NAV2: variants seen among roughly 807,000 people sequenced by gnomAD.
NAV2 encodes the protein neuron navigator 2, also known as helicase, APC down-regulated 1.
NAV2 carries 54 observed loss-of-function variants against 223.2 expected under a neutral mutation model. The ratio of observed to expected loss-of-function variants is 0.24; its 90% CI spans 0.19 to 0.30. The LOEUF (loss-of-function observed/expected upper bound fraction) is 0.30. Ranked by LOEUF, NAV2 falls within the 10% of genes least tolerant of loss-of-function variation. The probability of loss-of-function intolerance (pLI) is 1.00; values close to 1 mark genes in which losing one functional copy is unlikely to be tolerated. For synonymous variants in NAV2, 1,279 were observed against 1,239.3 expected (o/e 1.03, Z -0.67); for missense variants, 2,806 against 3,147.5 (o/e 0.89, Z 2.60).
chr11:19,620,972 G>C (rs371456777), intron 1 of NAV2, among the ~76,000 whole-genome samples: 40 of 152,192 alleles, frequency 2.6e-4, no homozygotes, highest in Admixed American at 4.6e-4. Flanking sequence ...TAGCATGAAG[G>C]GTTGTTGAAT....
At chr11:20,073,498 T>C (rs1427391180) in intron 22 of NAV2, among the ~76,000 whole-genome samples, 1 of 152,234 alleles carries the variant, frequency 6.6e-6, no homozygotes, top group East Asian at 1.9e-4. Flanking sequence ...TGGAATAGTT[T>C]CACAAGGAAT....
chr11:19,572,538 C>T (rs1356622266), intron 1 of NAV2, among the ~76,000 whole-genome samples: 1 of 152,212 alleles, frequency 6.6e-6, no homozygotes, highest in Non-Finnish European at 1.5e-5. Context: ...GGGGAAACAG[C>T]ATGGCTTTTG....
chr11:19,905,253 C>T (rs1326876856), intron 6 of NAV2, among the ~76,000 whole-genome samples: 5 of 152,160 alleles, frequency 3.3e-5, no homozygotes, highest in African/African-American at 1.2e-4. Context: ...TTGCCAAGTT[C>T]ATGCTCAGAG....
At chr11:19,551,261 T>C (rs1457019569) in intron 1 of NAV2, among the ~76,000 whole-genome samples, 3 of 152,254 alleles carry the variant, frequency 2.0e-5, no homozygotes, top group Non-Finnish European at 1.5e-5. Flanking sequence ...TCACTTGTCA[T>C]TGAGATCAAG....
chr11:19,623,552 C>T lies in NAV2; in HGVS notation c.76-208932C>T, dbSNP rs57693137. ...ACTGATACCCTTTCTTCCAGTTGAT[C>T]GAATCCGCTACTGAAGCTTGTGCAT... On this transcript the variant is annotated intron_variant, in intron 1 of 37. Coordinates refer to the NAV2 transcript ENST00000360655. 9.5e-3 allele frequency among the ~76,000 whole-genome samples: 1,448 copies of T among 152,282 alleles called. 18 individuals carry two copies. Among genetic ancestry groups the T allele is most frequent in the South Asian group, 0.039 (188 of 4,818 alleles).
chr11:19,355,769 C>G (rs180711382), intron 1 of NAV2, among the ~76,000 whole-genome samples: 1 of 152,174 alleles, frequency 6.6e-6, no homozygotes, highest in Non-Finnish European at 1.5e-5. Flanking sequence ...TTTGTTTACC[C>G]GGGAACAATG....
At chr11:19,663,121 G>A (rs1433144355) in intron 1 of NAV2, among the ~76,000 whole-genome samples, 1 of 152,106 alleles carries the variant, frequency 6.6e-6, no homozygotes, top group East Asian at 1.9e-4. Context: ...CTGCTCACCT[G>A]GAAACCCAAT....
At chr11:19,818,231 ATTTTTTTTTTTTTTTTTTTTT>A (rs34649376) in intron 1 of NAV2, among the ~76,000 whole-genome samples, 1 of 56,022 alleles carries the variant, frequency 1.8e-5, no homozygotes, top group Non-Finnish European at 2.9e-5. Flanking sequence ...GTATTTAGTG[ATTTTTTTTTTTTTTTTTTTTT>A]TTTTTTTTTT....
At chr11:19,634,762 A>T (rs1355969068) in intron 1 of NAV2, among the ~76,000 whole-genome samples, 1 of 152,184 alleles carries the variant, frequency 6.6e-6, no homozygotes, top group Admixed American at 6.5e-5. Flanking sequence ...AGAAGGACAG[A>T]ATTCTGGGGC....
At chr11:19,765,035 G>C (rs185963262) in intron 1 of NAV2, among the ~76,000 whole-genome samples, 12 of 152,030 alleles carry the variant, frequency 7.9e-5, no homozygotes, top group African/African-American at 2.7e-4. Context: ...AAGTGTCCTG[G>C]ATCTGACCCT....
chr11:19,930,879 T>A (rs1196351212), intron 6 of NAV2, among the ~76,000 whole-genome samples: 1 of 152,216 alleles, frequency 6.6e-6, no homozygotes, highest in Non-Finnish European at 1.5e-5. Flanking sequence ...ATGGCAGGGT[T>A]GGTTTGTACT....
chr11:19,853,435 A>G (rs535751830), intron 3 of NAV2, among the ~76,000 whole-genome samples: 335 of 152,362 alleles, frequency 2.2e-3, no homozygotes, highest in Non-Finnish European at 2.6e-3. Flanking sequence ...GGCCACCTGC[A>G]GCCCAGGATG....
chr11:19,601,036 T>C (rs2046337665), intron 1 of NAV2, among the ~76,000 whole-genome samples: 2 of 152,226 alleles, frequency 1.3e-5, no homozygotes, highest in South Asian at 4.1e-4. Flanking sequence ...AGATACAGTC[T>C]TGTTCTCTCA....
At chr11:19,586,798 G>A (rs2045912890) in intron 1 of NAV2, among the ~76,000 whole-genome samples, 1 of 152,242 alleles carries the variant, frequency 6.6e-6, no homozygotes, top group African/African-American at 2.4e-5. Flanking sequence ...ACTGGGGGGT[G>A]CCTCCCAGTT....
At chr11:19,562,730 A>C (rs1247991420) in intron 1 of NAV2, among the ~76,000 whole-genome samples, 1 of 152,200 alleles carries the variant, frequency 6.6e-6, no homozygotes, top group Admixed American at 6.5e-5. Flanking sequence ...GGATTTACGC[A>C]GCACTAAAGC....
At chr11:19,440,428 T>C (rs1473660318) in intron 1 of NAV2, among the ~76,000 whole-genome samples, 7 of 152,094 alleles carry the variant, frequency 4.6e-5, no homozygotes, top group Non-Finnish European at 8.8e-5. Flanking sequence ...AGGGTGTAAC[T>C]AGTATTGTCC....
intron 1 of NAV2, among the ~76,000 whole-genome samples, chr11:19,645,833 A>G (rs2047801252): frequency 1.3e-5 from 2 of 152,154 alleles, no homozygotes; most frequent in African/African-American, 2.4e-5. Flanking sequence ...TGGTTGGATG[A>G]GGTGGAAACT....
chr11:19,693,823 A>G (rs1229303029), intron 1 of NAV2, among the ~76,000 whole-genome samples: 1 of 152,172 alleles, frequency 6.6e-6, no homozygotes, highest in Non-Finnish European at 1.5e-5. Context: ...TTGAGAACCC[A>G]CTAGAGTAGA....
chr11:19,361,307 G>A (rs2702746), intron 1 of NAV2, among the ~76,000 whole-genome samples: 141,152 of 151,028 alleles, frequency 0.93, 66,716 homozygotes, highest in East Asian at 1. Flanking sequence ...CTTGTCCATA[G>A]AAATCTGAGA....
Sources: gnomAD v4.1 joint callset for allele counts (sites outside exome capture counted in the v4.1 genomes callset) on GRCh38, gnomAD v4.1.1 for gene constraint, MANE v1.5 for transcripts, NCBI Gene and HGNC (gene_info 2026-07-23, HGNC 2026-07-21) for gene names.